The following ARAP2 variants were observed in gnomAD, a reference collection of about 807,000 sequenced individuals.
The protein encoded by ARAP2 is ArfGAP with RhoGAP domain, ankyrin repeat and PH domain 2.
ARAP2 carries 148 observed loss-of-function variants against 194.5 expected under a neutral mutation model. The ratio of observed to expected loss-of-function variants is 0.76; its 90% CI spans 0.67 to 0.87. The LOEUF (loss-of-function observed/expected upper bound fraction) is 0.87, where lower values mean the gene tolerates loss of function less well. Among genes scored for constraint, ARAP2 ranks in the 40% least tolerant of loss-of-function variants. The pLI is 0.00. For synonymous variants in ARAP2, 695 were observed against 683.5 expected (o/e 1.02, Z -0.26); for missense variants, 2,128 against 1,989.7 (o/e 1.07, Z -1.32).
At chr4:36,184,334 T>C (rs1316950411) in intron 8 of ARAP2, among the ~76,000 whole-genome samples, 1 of 152,106 alleles carries the variant, frequency 6.6e-6, no homozygotes, top group African/African-American at 2.4e-5. Flanking sequence ...TTTAAAATCA[T>C]GAGTTGTTAC....
chr4:36,232,713 C>T (rs890920766), intron 1 of ARAP2, among the ~76,000 whole-genome samples: 1 of 152,210 alleles, frequency 6.6e-6, no homozygotes, highest in East Asian at 1.9e-4. Flanking sequence ...TCTGTGAAGG[C>T]ATCTTATCAA....
chr4:36,165,006 T>C lies in ARAP2; in HGVS notation c.2081A>G (p.Asn694Ser). The C allele has an allele frequency of 6.2e-7, 1 of 1,614,116 alleles. No individual in the cohort carries two copies. Among genetic ancestry groups the C allele is most frequent in the Non-Finnish European group, 8.5e-7 (1 of 1,179,952 alleles). ...ATCTGCACAGCTCCTGTTGGATTCA[T>C]TGAACCAAATCTTCTCAGCTACTTC... ...DYEVAEKIWF[N>S]ESNRSCADCK... The change falls in exon 11 of 33, where the codon AAT (asparagine) becomes AGT (serine). Residue 694 changes from asparagine to serine, a missense_variant. Physicochemically the swap from Asn to Ser is conservative, Grantham distance 46. Coordinates refer to ENST00000303965, the MANE Select transcript of ARAP2 (RefSeq NM_015230.4).
At chr4:36,062,448 T>G (rs1051586078), downstream of ARAP2, among the ~76,000 whole-genome samples, 12 of 152,188 alleles carry the variant, frequency 7.9e-5, no homozygotes, top group Admixed American at 7.9e-4. Context: ...GAAGGACAGT[T>G]GGAAGAGCCT....
intron 5 of ARAP2, among the ~76,000 whole-genome samples, chr4:36,022,242 T>C (rs1717088380): frequency 6.6e-6 from 1 of 152,182 alleles, no homozygotes; most frequent in African/African-American, 2.4e-5. Context: ...TACAATTATT[T>C]TGTTAATTTA....
intron 1 of ARAP2, among the ~76,000 whole-genome samples, chr4:36,234,019 G>A (rs1751991220): frequency 6.6e-6 from 1 of 152,218 alleles, no homozygotes; most frequent in Admixed American, 6.5e-5. Context: ...CCCATTGTAT[G>A]CTGCAAATAT....
intron 19 of ARAP2, among the ~76,000 whole-genome samples, chr4:36,142,714 G>A (rs1728633423): frequency 6.6e-6 from 1 of 151,614 alleles, no homozygotes; most frequent in East Asian, 1.9e-4. Flanking sequence ...GAGGAAACAA[G>A]CAGCTACTTC....
chr4:36,193,946 A>T (rs1004574705), intron 6 of ARAP2, among the ~76,000 whole-genome samples: 2 of 152,196 alleles, frequency 1.3e-5, no homozygotes, highest in Admixed American at 6.5e-5. Flanking sequence ...CACTGAACCC[A>T]TTTCTAATAA....
chr4:36,015,756 CT>C (rs1473586082), intron 7 of ARAP2: 1 of 152,150 alleles, frequency 6.6e-6, no homozygotes, highest in Non-Finnish European at 1.5e-5. Flanking sequence ...TAGATTCTAC[CT>C]CTTGAAGTGA....
chr4:36,132,881 C>T lies in ARAP2; in HGVS notation c.3427+345G>A, dbSNP rs181815287. Among the ~76,000 whole-genome samples the T allele has an allele frequency of 2.0e-5, 3 of 151,778 alleles. No homozygotes were observed. The East Asian group carries it at 5.8e-4, about 30-fold the overall frequency. The stretch of plus-strand genomic sequence containing the variant: ...TGTGTCACTGTAGGCTTTAATCTAG[C>T]CTTGTAATCTCTGAAAGATAGTCTT... On this transcript the variant is annotated intron_variant, in intron 20 of 32. Coordinates refer to ENST00000303965, the MANE Select transcript of ARAP2 (RefSeq NM_015230.4).
rs761075697 is a variant in ARAP2, at chr4:36,160,596, C to G, written c.2305G>C (p.Gly769Arg). The change falls in exon 13 of 33, where the codon GGT becomes CGT. Residue 769 changes from glycine (G) to arginine (R), a missense_variant. Coordinates refer to ENST00000303965, the MANE Select transcript of ARAP2 (RefSeq NM_015230.4). ...AATTCTTCATCCTTTTGAAGATTAC[C>G]AGCCCAAAAGTCATTTGCTCTTTTG... is the stretch of plus-strand genomic sequence containing the variant. ...GNKRANDFWA[G>R]NLQKDEELHM... 1 of 1,504,026 alleles carries G rather than the reference C, an allele frequency of 6.6e-7. No individual in the cohort carries two copies. Among genetic ancestry groups the G allele is most frequent in the Non-Finnish European group, 8.8e-7 (1 of 1,136,600 alleles). 93.2% of individuals were successfully genotyped at this position (1,504,026 alleles called of 1,614,324 possible).
chr4:36,061,647 T>C (rs540532488), downstream of ARAP2, among the ~76,000 whole-genome samples: 10 of 152,336 alleles, frequency 6.6e-5, no homozygotes, highest in South Asian at 8.3e-4. Flanking sequence ...ATCTCTTAGA[T>C]ATACTTATTT....
At chr4:36,213,361 A>C (rs780381503) in intron 3 of ARAP2, 42 bp from the exon 4 acceptor site, 6 of 1,359,414 alleles carry the variant, frequency 4.4e-6, no homozygotes, top group African/African-American at 1.4e-5. Flanking sequence ...AGATGTGAAT[A>C]ATGTGAAATA....
chr4:36,160,412 T>C (rs777531486), intron 13 of ARAP2, 47 bp downstream of exon 13: 3 of 1,421,490 alleles, frequency 2.1e-6, no homozygotes, highest in Non-Finnish European at 9.3e-7. Context: ...GGCACATCAT[T>C]AAAAAGACAT....
intron 31 of ARAP2, among the ~76,000 whole-genome samples, chr4:36,074,289 A>G (rs1169181050): frequency 6.6e-6 from 1 of 152,134 alleles, no homozygotes; most frequent in Non-Finnish European, 1.5e-5. Flanking sequence ...CCTCTTGAAA[A>G]ATGTTACTAT....
At chr4:36,168,090 T>C (rs974967749) in intron 9 of ARAP2, among the ~76,000 whole-genome samples, 6 of 152,092 alleles carry the variant, frequency 3.9e-5, no homozygotes, top group African/African-American at 1.4e-4. Flanking sequence ...ATCTGCCTCT[T>C]CTCTTTGTCT....
At chr4:36,170,175 G>T (rs947154554) in intron 9 of ARAP2, among the ~76,000 whole-genome samples, 1 of 152,084 alleles carries the variant, frequency 6.6e-6, no homozygotes, top group Non-Finnish European at 1.5e-5. Flanking sequence ...AAAAACAAAA[G>T]TACAACCTCA....
chr4:36,059,216 C>T (rs1336240372), intron 1 of ARAP2, among the ~76,000 whole-genome samples: 1 of 151,954 alleles, frequency 6.6e-6, no homozygotes, highest in Non-Finnish European at 1.5e-5. Flanking sequence ...AAAGACATTC[C>T]ATTTTAACTT....
At chr4:36,230,451 T>A (rs1466465445) in intron 1 of ARAP2, among the ~76,000 whole-genome samples, 5 of 152,208 alleles carry the variant, frequency 3.3e-5, no homozygotes, top group African/African-American at 1.2e-4. Flanking sequence ...ATATACAAGA[T>A]ATGACACTGA....
chr4:36,123,447 G>A (rs1272350924), intron 22 of ARAP2, among the ~76,000 whole-genome samples: 1 of 151,614 alleles, frequency 6.6e-6, no homozygotes, highest in Non-Finnish European at 1.5e-5. Flanking sequence ...CATCCCCTTT[G>A]GTACTTTTCA....
Sources: allele counts gnomAD v4.1 joint callset (sites outside exome capture counted in the v4.1 genomes callset), GRCh38; gene constraint gnomAD v4.1.1; transcripts MANE v1.5; gene names NCBI Gene and HGNC (gene_info 2026-07-23, HGNC 2026-07-21).